The following PDHX variants were observed in gnomAD, a reference collection of about 807,000 sequenced individuals.
PDHX encodes the protein pyruvate dehydrogenase complex component X.
PDHX carries 33 observed loss-of-function variants against 55.3 expected under a neutral mutation model. That is an observed-to-expected ratio of 0.60 (90% CI 0.45 to 0.80). The LOEUF (loss-of-function observed/expected upper bound fraction) is 0.80. Ranked by LOEUF, PDHX falls within the 30% of genes least tolerant of loss-of-function variation. The pLI is 0.00. For missense variants in PDHX, 622 were observed against 619.9 expected, an observed-to-expected ratio of 1.00 and a Z score of -0.04; for synonymous variants, 226 against 219.4, an observed-to-expected ratio of 1.03 and a Z score of -0.27.
chr11:34,966,774 T>A lies in PDHX; in HGVS notation c.776T>A (p.Val259Glu), dbSNP rs1855142694. 2 of 1,614,140 alleles carry A rather than the reference T, an allele frequency of 1.2e-6. No individual in the cohort carries two copies. The highest frequency in any genetic ancestry group is 1.7e-5 in the Admixed American group (1 of 60,028). Reference protein sequence around the residue: ...ATAGPSYPRPVIPPVSTPGQP... With the variant: ...ATAGPSYPRPEIPPVSTPGQP... Reference sequence around the variant, plus strand: ...GCTGGACCATCTTATCCCCGGCCTGTGATCCCACCAGTATCAACTCCTGGA... The same window carrying A: ...GCTGGACCATCTTATCCCCGGCCTGAGATCCCACCAGTATCAACTCCTGGA... Residue 259 changes from valine to glutamate, a missense_variant, in exon 6 of 11, where the codon GTG (valine) becomes GAG (glutamate). Transcript: ENST00000227868.
intron 8 of PDHX, among the ~76,000 whole-genome samples, chr11:34,983,781 A>C (rs1343425617): frequency 1.3e-5 from 2 of 152,208 alleles, no homozygotes; most frequent in African/African-American, 4.8e-5. Flanking sequence ...AAGAGAATAC[A>C]AACAAATGGA....
chr11:34,938,403 G>A (rs987960209), intron 2 of PDHX, among the ~76,000 whole-genome samples: 1 of 152,180 alleles, frequency 6.6e-6, no homozygotes, highest in Non-Finnish European at 1.5e-5. Context: ...AGCATTTAGA[G>A]CAATTGGCTC....
At chr11:34,939,794 T>C (rs1854429082) in intron 2 of PDHX, among the ~76,000 whole-genome samples, 1 of 152,164 alleles carries the variant, frequency 6.6e-6, no homozygotes. Flanking sequence ...TTATAATGAC[T>C]ATTAGAGTAC....
chr11:34,980,016 T>C, intron 8 of PDHX, among the ~76,000 whole-genome samples: 1 of 145,162 alleles, frequency 6.9e-6, no homozygotes, highest in East Asian at 2.0e-4. Flanking sequence ...CAGCTTTCCC[T>C]TTTTTTTTTT....
In PDHX at chr11:34,984,732, T is replaced by A; in HGVS notation, c.1182+4T>A. On this transcript the variant is annotated splice_donor_region_variant and intron_variant, in intron 9 of 10. Transcript: ENST00000227868. ...GGAAATTGCTGACTCTGTAAAGGTA[T>A]GTCTTAAGAAAGAGTGTGCTTTCAA... 1 of 1,613,462 alleles carries A rather than the reference T, an allele frequency of 6.2e-7. No homozygotes were observed. Among genetic ancestry groups the A allele is most frequent in the Non-Finnish European group, 8.5e-7 (1 of 1,179,386 alleles).
chr11:34,923,688 T>C (rs1255730444), intron 1 of PDHX, among the ~76,000 whole-genome samples: 2 of 152,216 alleles, frequency 1.3e-5, no homozygotes, highest in African/African-American at 4.8e-5. Context: ...AATGGCATTT[T>C]TATCTACTAC....
At chr11:34,924,468 G>A (rs1001150912) in intron 1 of PDHX, among the ~76,000 whole-genome samples, 1 of 152,026 alleles carries the variant, frequency 6.6e-6, no homozygotes, top group African/African-American at 2.4e-5. Flanking sequence ...TGATCCACCC[G>A]CCTCAGCCTC....
intron 1 of PDHX, among the ~76,000 whole-genome samples, chr11:34,918,353 G>A (rs948225162): frequency 6.6e-6 from 1 of 151,534 alleles, no homozygotes; most frequent in South Asian, 2.1e-4. Flanking sequence ...AGGAGGATCC[G>A]TTGAACCCAG....
In PDHX at chr11:34,947,530, CATT is replaced by C; in HGVS notation, c.269_271del (p.Leu90del). The C allele has an allele frequency of 1.2e-6, 2 of 1,613,048 alleles. No homozygotes were observed. Among genetic ancestry groups the C allele is most frequent in the Non-Finnish European group, 1.7e-6 (2 of 1,179,170 alleles). ...GGTGAAGCGGTGAGTGCTGGAGATGCATTATGTGAAATTGAGACTGACAAAGCT... is the reference window on the plus strand; with the variant it reads ...GGTGAAGCGGTGAGTGCTGGAGATGCATGTGAAATTGAGACTGACAAAGCT... On this transcript the variant is annotated inframe_deletion, in exon 3 of 11. Coordinates refer to ENST00000227868, the MANE Select transcript of PDHX (RefSeq NM_003477.3).
At chr11:34,953,955 AT>A (rs1244033409) in intron 3 of PDHX, among the ~76,000 whole-genome samples, 2 of 152,202 alleles carry the variant, frequency 1.3e-5, no homozygotes, top group African/African-American at 4.8e-5. Flanking sequence ...TCCCCTCTGT[AT>A]TTTAGCTTAT....
At chr11:34,959,467 A>G (rs1484023895) in intron 4 of PDHX, among the ~76,000 whole-genome samples, 1 of 152,098 alleles carries the variant, frequency 6.6e-6, no homozygotes, top group East Asian at 1.9e-4. Flanking sequence ...AAGGACATGG[A>G]TAATTTGGAA....
intron 2 of PDHX, among the ~76,000 whole-genome samples, chr11:34,931,872 A>G (rs1451829185): frequency 1.3e-5 from 2 of 150,944 alleles, no homozygotes; most frequent in African/African-American, 4.9e-5. Context: ...AGGCAAGTTC[A>G]TCATAAATTT....
At chr11:34,958,912 C>T (rs560788955) in intron 4 of PDHX, among the ~76,000 whole-genome samples, 3 of 151,988 alleles carry the variant, frequency 2.0e-5, no homozygotes, top group Non-Finnish European at 2.9e-5. Flanking sequence ...TGGTTGGTTA[C>T]TAATCCTATA....
intron 9 of PDHX, among the ~76,000 whole-genome samples, chr11:34,988,558 C>A (rs1241221914): frequency 1.7e-3 from 233 of 140,378 alleles, no homozygotes; most frequent in Middle Eastern, 7.4e-3. Context: ...TGTTTTCTGT[C>A]AAAAAAAAAA....
chr11:34,966,395 A>G (rs1021806519), intron 5 of PDHX, among the ~76,000 whole-genome samples: 8 of 152,200 alleles, frequency 5.3e-5, no homozygotes, highest in Admixed American at 2.6e-4. Context: ...CTTATGCCCA[A>G]TTTTAATAAC....
At chr11:34,971,040 T>G (rs1315910117) in intron 7 of PDHX, among the ~76,000 whole-genome samples, 1 of 152,186 alleles carries the variant, frequency 6.6e-6, no homozygotes, top group African/African-American at 2.4e-5. Flanking sequence ...TGGTATGGTA[T>G]TTAAACAAAG....
intron 3 of PDHX, among the ~76,000 whole-genome samples, chr11:34,954,818 C>T (rs960888043): frequency 6.6e-6 from 1 of 152,156 alleles, no homozygotes; most frequent in Non-Finnish European, 1.5e-5. Flanking sequence ...TTCCTCATAA[C>T]AACAATGTGA....
Position 34,931,386 on chromosome 11 carries a change from C to A in PDHX, c.161-18C>A, listed in dbSNP as rs1275547873. On this transcript the variant is annotated intron_variant, in intron 1 of 10. Transcript: ENST00000227868. ...GCATTATTTGTTGTGGCTCATCTTT[C>A]CTTTTTTTCAATTTCAGGTGATCCC... 3 of 1,442,328 alleles carry A rather than the reference C, an allele frequency of 2.1e-6. No individual in the cohort carries two copies. In the South Asian group the frequency reaches 3.5e-5, roughly 17 times the overall value. 89.3% of individuals were successfully genotyped at this position (1,442,328 alleles called of 1,614,324 possible). A position where few individuals can be genotyped will look rare whatever the true frequency, so the allele number is the denominator to read the frequency against.
At position 34,946,610 on chromosome 11, in the gene PDHX, G is replaced by A. The variant is rs183937833; in HGVS notation, c.242-896G>A. Reference sequence around the variant, plus strand: ...TGGGGATATTGGCAGATACAGCCCCGGAGCCAGAGGGTGGCTTGACTTTGT... The same window carrying A: ...TGGGGATATTGGCAGATACAGCCCCAGAGCCAGAGGGTGGCTTGACTTTGT... On this transcript the variant is annotated intron_variant, in intron 2 of 10. Transcript: ENST00000227868. 1.9e-3 allele frequency among the ~76,000 whole-genome samples: 282 copies of A among 152,240 alleles called. 4 individuals are homozygous for A. The highest frequency in any genetic ancestry group is 2.5e-3 in the South Asian group (12 of 4,826).
Sources: allele counts gnomAD v4.1 joint callset (sites outside exome capture counted in the v4.1 genomes callset), GRCh38; gene constraint gnomAD v4.1.1; transcripts MANE v1.5; gene names NCBI Gene and HGNC (gene_info 2026-07-23, HGNC 2026-07-21).